TBC1D2B: variants seen among roughly 807,000 people sequenced by gnomAD.
The protein encoded by TBC1D2B is TBC1 domain family, member 2B.
In TBC1D2B, 64 loss-of-function variants were observed where a neutral mutation model predicts 100.8. That is an observed-to-expected ratio of 0.64 (90% CI 0.52 to 0.78). The LOEUF is 0.78. Among genes scored for constraint, TBC1D2B ranks in the 30% least tolerant of loss-of-function variants. The probability of loss-of-function intolerance (pLI) is 0.00; values close to 1 mark genes in which losing one functional copy is unlikely to be tolerated. For missense variants in TBC1D2B, 1,052 were observed against 1,218.4 expected (o/e 0.86, Z 2.03); for synonymous variants, 480 against 479.7 (o/e 1.00, Z -0.01).
chr15:78,027,507 C>T (rs1477631496), intron 4 of TBC1D2B, among the ~76,000 whole-genome samples: 1 of 152,174 alleles, frequency 6.6e-6, no homozygotes, highest in Non-Finnish European at 1.5e-5. Flanking sequence ...CAGGAAATAC[C>T]CATGAAGAGA....
chr15:78,001,080 G>A (rs887327541), intron 12 of TBC1D2B, among the ~76,000 whole-genome samples: 3 of 152,190 alleles, frequency 2.0e-5, no homozygotes, highest in Non-Finnish European at 1.5e-5. Flanking sequence ...GGCACCAGCC[G>A]GGCTGAGCTG....
In TBC1D2B at chr15:78,009,062, G is replaced by C. The variant is rs2141643477; in HGVS notation, c.2323C>G (p.Leu775Val). The C allele has an allele frequency of 1.2e-6, 2 of 1,609,086 alleles. No individual in the cohort carries two copies. Among genetic ancestry groups the C allele is most frequent in the Middle Eastern group, 1.7e-4 (1 of 6,060 alleles). The change falls in exon 10 of 13, where the codon CTC becomes GTC. Residue 775 changes from leucine to valine, a missense_variant. Leu to Val is a conservative substitution (Grantham distance 32). This residue lies in a region of TBC1D2B where 373 missense variants were observed against 464.9 expected (regional missense o/e 0.80). Coordinates refer to ENST00000300584, the MANE Select transcript of TBC1D2B (RefSeq NM_144572.2). ...YLEQEDAFWC[L>V]VTIVEVFMPR... is the part of the protein sequence containing the mutation. ...ATGAAAACTTCCACTATGGTAACGA[G>C]ACACCAGAAAGCATCTTCTTGTTCC...
In TBC1D2B at chr15:77,995,072, T is replaced by C. The variant is rs1045313293; in HGVS notation, c.*3088A>G. The C allele has an allele frequency of 2.0e-5, 3 of 152,212 alleles. No individual in the cohort carries two copies. Among genetic ancestry groups the C allele is most frequent in the Admixed American group, 2.0e-4 (3 of 15,282 alleles). The allele number at this position is 152,212 out of a possible 1,614,324, so 9.4% of individuals were successfully genotyped here. The stretch of plus-strand genomic sequence containing the variant: ...GGTCAGCACAGGAGCTGCTGTGATA[T>C]AAAAGGAGAGAGTCACCTGGCGCCC... On this transcript the variant is annotated 3_prime_UTR_variant, in exon 13 of 13. Transcript: ENST00000300584.
rs1357859801 is a variant in TBC1D2B at position 77,995,694 on chromosome 15, C to G, written c.*2466G>C. On this transcript the variant is annotated 3_prime_UTR_variant, in exon 13 of 13. Coordinates refer to ENST00000300584, the MANE Select transcript of TBC1D2B (RefSeq NM_144572.2). The stretch of plus-strand genomic sequence containing the variant: ...CCATCCATTTAAAAGTTGGCAATTC[C>G]TAGCAGGTGTTGGGAGGGAGCTCCC... 6.6e-6 allele frequency: 1 copy of G among 152,508 alleles called. No homozygotes were observed. Among genetic ancestry groups the G allele is most frequent in the African/African-American group, 2.4e-5 (1 of 41,460 alleles). The allele number at this position is 152,508 out of a possible 1,614,324, so 9.4% of individuals were successfully genotyped here.
In TBC1D2B at chr15:78,054,783, C is replaced by A. The variant is rs569954109; in HGVS notation, c.361-596G>T. On this transcript the variant is annotated intron_variant, in intron 1 of 12. Transcript: ENST00000300584. ...TACTTTAGAAAACAGTTTAGCAATT[C>A]CTTATAAAGTTAAACATACACTTAC... Among the ~76,000 whole-genome samples the A allele has an allele frequency of 5.9e-4, 90 of 152,272 alleles. No homozygotes were observed. In the East Asian group the frequency reaches 0.012, roughly 20 times the overall value.
At chr15:78,015,446 AAC>A (rs773606850) in intron 8 of TBC1D2B, among the ~76,000 whole-genome samples, 2 of 152,240 alleles carry the variant, frequency 1.3e-5, no homozygotes, top group Non-Finnish European at 2.9e-5. Context: ...ATAAAATTTG[AAC>A]ACACAATATA....
At chr15:78,025,570 A>C (rs2072643321) in intron 4 of TBC1D2B, 73 bp from the exon 5 acceptor site, 2 of 1,189,352 alleles carry the variant, frequency 1.7e-6, no homozygotes, top group Admixed American at 2.7e-5. Flanking sequence ...TCTGTCGCCC[A>C]GGCTGGAGTG....
chr15:78,057,369 T>C (rs900256414), intron 1 of TBC1D2B, among the ~76,000 whole-genome samples: 3 of 151,910 alleles, frequency 2.0e-5, no homozygotes, highest in Admixed American at 1.3e-4. Flanking sequence ...CAGGCTGCTA[T>C]GGCGGCTCAC....
intron 4 of TBC1D2B, among the ~76,000 whole-genome samples, chr15:78,028,682 G>A (rs1197835813): frequency 1.3e-5 from 2 of 152,210 alleles, no homozygotes; most frequent in African/African-American, 4.8e-5. Context: ...CATTCCTGTC[G>A]AATCAGAAGT....
chr15:78,044,045 C>A (rs2073144752), intron 3 of TBC1D2B, among the ~76,000 whole-genome samples: 1 of 146,910 alleles, frequency 6.8e-6, no homozygotes. Context: ...AAAAAACCCA[C>A]CAAAAAACAA....
chr15:78,006,593 A>C (rs1468378974), intron 10 of TBC1D2B, among the ~76,000 whole-genome samples: 1 of 152,212 alleles, frequency 6.6e-6, no homozygotes, highest in East Asian at 1.9e-4. Flanking sequence ...GGGCACAGAC[A>C]GGCAAGTTTA....
chr15:78,077,057 G>A (rs1051057768), intron 1 of TBC1D2B, among the ~76,000 whole-genome samples: 4 of 152,246 alleles, frequency 2.6e-5, no homozygotes, highest in Admixed American at 1.3e-4. Context: ...GAGATAATGG[G>A]TCAAGGTGTC....
At position 77,998,361 on chromosome 15, in the gene TBC1D2B, A is replaced by G. The variant is rs2071819487; in HGVS notation, c.2697-6T>C. Reference sequence around the variant, plus strand: ...AGGAGATACTGATCAGCTTCCTGGCAGGACGCAGGGGAGAGACAAGAGAAT... The same window carrying G: ...AGGAGATACTGATCAGCTTCCTGGCGGGACGCAGGGGAGAGACAAGAGAAT... On this transcript the variant is annotated splice_polypyrimidine_tract_variant and splice_region_variant and intron_variant, in intron 12 of 12. Transcript: ENST00000300584. 1 of 1,565,594 alleles carries G rather than the reference A, an allele frequency of 6.4e-7. No individual in the cohort carries two copies.
chr15:78,026,586 T>C (rs2072674606), intron 4 of TBC1D2B, among the ~76,000 whole-genome samples: 1 of 152,180 alleles, frequency 6.6e-6, no homozygotes, highest in Admixed American at 6.5e-5. Context: ...AAGACATGCA[T>C]GTTTTAAAGC....
At chr15:77,998,916 C>T (rs148885923) in intron 12 of TBC1D2B, 18 of 184,924 alleles carry the variant, frequency 9.7e-5, no homozygotes, top group African/African-American at 4.0e-4. Flanking sequence ...GAGAAATGTG[C>T]AGCTTGTGGG....
intron 3 of TBC1D2B, among the ~76,000 whole-genome samples, chr15:78,037,637 T>C (rs112228563): frequency 0.12 from 8,779 of 74,916 alleles, 365 homozygotes; most frequent in East Asian, 0.33. Flanking sequence ...TGCAGCAGGG[T>C]GGGAGGGAGG....
intron 3 of TBC1D2B, among the ~76,000 whole-genome samples, chr15:78,040,855 G>GAAGGAAGAAAAGAAAGAAAGAAAGA (rs71447186): frequency 1.2e-4 from 9 of 74,668 alleles, no homozygotes; most frequent in Non-Finnish European, 2.2e-4. Context: ...AGAAAGAAAG[G>GAAGGAAGAAAAGAAAGAAAGAAAGA]AAGAAAGAAA....
intron 11 of TBC1D2B, chr15:78,002,667 T>C (rs1567011463): frequency 6.6e-6 from 1 of 152,396 alleles, no homozygotes; most frequent in Non-Finnish European, 1.5e-5. Flanking sequence ...ATATTTTAAC[T>C]CCTCAGCTCA....
chr15:78,046,207 C>T (rs4886552), intron 2 of TBC1D2B, among the ~76,000 whole-genome samples: 135,229 of 152,216 alleles, frequency 0.89, 60,777 homozygotes, highest in East Asian at 0.99. Flanking sequence ...GCTGGGATTA[C>T]AGGCATGAGC....
Sources: allele counts gnomAD v4.1 joint callset (sites outside exome capture counted in the v4.1 genomes callset), GRCh38; gene constraint gnomAD v4.1.1; regional missense constraint gnomAD v4.1.1; transcripts MANE v1.5; gene names NCBI Gene and HGNC (gene_info 2026-07-23, HGNC 2026-07-21).